The following CDH9 variants were observed in gnomAD, a reference collection of about 807,000 sequenced individuals.
CDH9 encodes the protein cadherin 9.
In CDH9, 28 loss-of-function variants were observed where a neutral mutation model predicts 70.9. That is an observed-to-expected ratio of 0.40 (90% confidence interval 0.29 to 0.54). The LOEUF (loss-of-function observed/expected upper bound fraction) is 0.54, where lower values mean the gene tolerates loss of function less well. Among genes scored for constraint, CDH9 ranks in the 20% least tolerant of loss-of-function variants. CDH9 has a pLI of 0.59. For synonymous variants in CDH9, 409 were observed against 343.1 expected (o/e 1.19, Z -2.12); for missense variants, 874 against 984.4 (o/e 0.89, Z 1.50).
At chr5:26,953,914 C>A (rs944588845) in intron 2 of CDH9, among the ~76,000 whole-genome samples, 1 of 151,922 alleles carries the variant, frequency 6.6e-6, no homozygotes, top group East Asian at 1.9e-4. Context: ...TAAAATGCAC[C>A]CATAGCTTTT....
At chr5:26,942,925 T>C (rs1741687960) in intron 2 of CDH9, among the ~76,000 whole-genome samples, 1 of 152,162 alleles carries the variant, frequency 6.6e-6, no homozygotes, top group Non-Finnish European at 1.5e-5. Context: ...AAAGGATGTG[T>C]CCCTTATATC....
chr5:26,934,288 A>G (rs1363108507), intron 2 of CDH9, among the ~76,000 whole-genome samples: 3 of 152,202 alleles, frequency 2.0e-5, no homozygotes, highest in South Asian at 2.1e-4. Flanking sequence ...CAACATCATG[A>G]GACTCCATCT....
At chr5:27,011,110 GA>G (rs1742948093) in intron 1 of CDH9, among the ~76,000 whole-genome samples, 1 of 152,064 alleles carries the variant, frequency 6.6e-6, no homozygotes, top group Non-Finnish European at 1.5e-5. Flanking sequence ...AGGTGGGGGA[GA>G]AGTGCAATCA....
intron 1 of CDH9, among the ~76,000 whole-genome samples, chr5:27,025,761 A>G (rs1743210742): frequency 6.6e-6 from 1 of 152,070 alleles, no homozygotes; most frequent in African/African-American, 2.4e-5. Context: ...ACAGGTTCTT[A>G]TTCTCTCGTG....
intron 1 of CDH9, among the ~76,000 whole-genome samples, chr5:27,022,075 C>A (rs1435929508): frequency 2.0e-5 from 3 of 151,858 alleles, no homozygotes; most frequent in Non-Finnish European, 4.4e-5. Flanking sequence ...CTTATTACTC[C>A]CATAACACTA....
chr5:27,004,561 G>C (rs774773197), intron 1 of CDH9, among the ~76,000 whole-genome samples: 81 of 152,214 alleles, frequency 5.3e-4, no homozygotes, highest in Non-Finnish European at 9.9e-4. Context: ...AAATATCCTG[G>C]TCAACAAAAG....
chr5:26,892,036 A>C (rs1334926155), intron 7 of CDH9, among the ~76,000 whole-genome samples: 1 of 152,204 alleles, frequency 6.6e-6, no homozygotes, highest in African/African-American at 2.4e-5. Flanking sequence ...ACTCTAGCCC[A>C]GTGAGACACA....
intron 1 of CDH9, among the ~76,000 whole-genome samples, chr5:26,993,138 G>A (rs77901099): frequency 0.017 from 2,517 of 151,452 alleles, 62 homozygotes; most frequent in African/African-American, 0.058. Context: ...AAGTAACATG[G>A]AACAGAACGT....
chr5:26,895,555 T>C (rs1001339707), intron 7 of CDH9, among the ~76,000 whole-genome samples: 3 of 151,978 alleles, frequency 2.0e-5, no homozygotes, highest in Non-Finnish European at 4.4e-5. Context: ...GAACTTTAAA[T>C]ACGTTAAGCA....
At chr5:27,009,712 C>T (rs905226138) in intron 1 of CDH9, among the ~76,000 whole-genome samples, 2 of 152,082 alleles carry the variant, frequency 1.3e-5, no homozygotes, top group Non-Finnish European at 2.9e-5. Context: ...CAACAAGACT[C>T]AGACTTCCTT....
intron 2 of CDH9, among the ~76,000 whole-genome samples, chr5:26,957,273 A>G (rs1741963118): frequency 1.3e-5 from 2 of 152,130 alleles, no homozygotes. Flanking sequence ...CTGTGAAGGC[A>G]TTTTGTATGT....
At chr5:26,973,301 T>C (rs1421854798) in intron 2 of CDH9, among the ~76,000 whole-genome samples, 1 of 133,522 alleles carries the variant, frequency 7.5e-6, no homozygotes, top group Admixed American at 7.2e-5. Flanking sequence ...CTTCAGTTAA[T>C]GACCTAAGAA....
intron 2 of CDH9, among the ~76,000 whole-genome samples, chr5:26,916,168 T>G (rs1018013814): frequency 6.6e-6 from 1 of 151,980 alleles, no homozygotes; most frequent in African/African-American, 2.4e-5. Flanking sequence ...TTAATATGTA[T>G]CTGTCAAAAC....
At chr5:26,989,325 G>C (rs924781111) in intron 1 of CDH9, among the ~76,000 whole-genome samples, 1 of 151,978 alleles carries the variant, frequency 6.6e-6, no homozygotes, top group Non-Finnish European at 1.5e-5. Flanking sequence ...AGATGATAAT[G>C]GCTATGATCT....
At chr5:26,987,251 T>G (rs1697721924) in intron 2 of CDH9, among the ~76,000 whole-genome samples, 1 of 151,948 alleles carries the variant, frequency 6.6e-6, no homozygotes, top group Admixed American at 6.6e-5. Context: ...ACTGCAAGTA[T>G]TTAAAATTGT....
At chr5:26,967,713 T>C (rs1742152684) in intron 2 of CDH9, among the ~76,000 whole-genome samples, 1 of 152,102 alleles carries the variant, frequency 6.6e-6, no homozygotes, top group African/African-American at 2.4e-5. Flanking sequence ...TACACCTTTT[T>C]TTTTCAATGC....
At chr5:26,959,549 T>C (rs79832721) in intron 2 of CDH9, among the ~76,000 whole-genome samples, 2 of 152,220 alleles carry the variant, frequency 1.3e-5, no homozygotes, top group African/African-American at 4.8e-5. Context: ...CGAATACTTG[T>C]ATGTAAATGT....
At chr5:26,920,517 A>C (rs986597922) in intron 2 of CDH9, among the ~76,000 whole-genome samples, 1 of 152,020 alleles carries the variant, frequency 6.6e-6, no homozygotes, top group African/African-American at 2.4e-5. Flanking sequence ...AACTTGAGTG[A>C]ACACAGACGG....
intron 2 of CDH9, among the ~76,000 whole-genome samples, chr5:26,941,422 G>T (rs1561202734): frequency 6.6e-6 from 1 of 152,252 alleles, no homozygotes; most frequent in East Asian, 1.9e-4. Flanking sequence ...CATTGTGCTG[G>T]TCACACCTCA....
Sources: allele counts gnomAD v4.1 joint callset (sites outside exome capture counted in the v4.1 genomes callset), GRCh38; gene constraint gnomAD v4.1.1; transcripts MANE v1.5; gene names NCBI Gene and HGNC (gene_info 2026-07-23, HGNC 2026-07-21).